SLC34A2: variants seen among roughly 807,000 people sequenced by gnomAD.
The protein encoded by SLC34A2 is sodium-dependent phosphate transport protein 2B.
SLC34A2 carries 41 observed loss-of-function variants against 50.8 expected under a neutral mutation model. That is an observed-to-expected ratio of 0.81 (90% CI 0.63 to 1.05). SLC34A2 has a LOEUF of 1.05. SLC34A2 is among the 50% of genes least tolerant of loss of function. The probability of loss-of-function intolerance (pLI) is 0.00; values close to 1 mark genes in which losing one functional copy is unlikely to be tolerated. For synonymous variants in SLC34A2, 401 were observed against 364.2 expected (o/e 1.10, Z -1.15); for missense variants, 879 against 876.7 (o/e 1.00, Z -0.03).
rs1560243361 is a variant in SLC34A2, at chr4:25,676,326, C to T, written c.1650C>T (p.Ala550=). Reference sequence around the variant, plus strand: ...TGACGGTGTTTGGCCTCTCGCTGGCCGGCTGGCGGGTGCTGGTTGGTGTCG... The same window carrying T: ...TGACGGTGTTTGGCCTCTCGCTGGCTGGCTGGCGGGTGCTGGTTGGTGTCG... The part of the protein sequence containing the change: ...IPLTVFGLSL[A]GWRVLVGVGV... The change falls in exon 13 of 13, where the codon GCC becomes GCT. Residue 550 remains alanine, a synonymous_variant. Coordinates refer to ENST00000382051, the MANE Select transcript of SLC34A2 (RefSeq NM_006424.3). The T allele has an allele frequency of 2.5e-6, 4 of 1,614,202 alleles. No homozygotes were observed. Among genetic ancestry groups the T allele is most frequent in the Non-Finnish European group, 1.7e-6 (2 of 1,180,050 alleles).
intron 5 of SLC34A2, 129 bp from the exon 6 acceptor site, chr4:25,667,751 A>G (rs577220823): frequency 2.8e-6 from 2 of 703,732 alleles, no homozygotes; most frequent in East Asian, 5.4e-5. Flanking sequence ...GAGGTGCAAA[A>G]AAAAAGTTTA....
chr4:25,671,574 T>C (rs765107724), intron 8 of SLC34A2, 27 bp from the exon 9 acceptor site: 8 of 1,614,080 alleles, frequency 5.0e-6, no homozygotes, highest in Non-Finnish European at 6.8e-6. Flanking sequence ...GCCAGTGTTG[T>C]GGGCATTTGT....
chr4:25,669,626 G>T, intron 6 of SLC34A2, 21 bp from the exon 7 acceptor site: 1 of 1,612,598 alleles, frequency 6.2e-7, no homozygotes, highest in Non-Finnish European at 8.5e-7. Context: ...TAATCTGGCT[G>T]TCGGGGTTTC....
At chr4:25,666,763 C>T (rs1235835845) in intron 5 of SLC34A2, among the ~76,000 whole-genome samples, 1 of 152,186 alleles carries the variant, frequency 6.6e-6, no homozygotes, top group African/African-American at 2.4e-5. Context: ...AGAAAGACAA[C>T]TTAATCACAT....
At chr4:25,665,712 G>A (rs1387511370) in intron 4 of SLC34A2, among the ~76,000 whole-genome samples, 2 of 152,142 alleles carry the variant, frequency 1.3e-5, no homozygotes, top group Non-Finnish European at 2.9e-5. Flanking sequence ...AATCTGAATT[G>A]GGTATACACC....
At position 25,676,377 on chromosome 4, in the gene SLC34A2, C is replaced by G. The variant is rs1560243447; in HGVS notation, c.1701C>G (p.Ile567Met). ...GGGTTCCCGTCGTCTTCATCATCAT[C>G]CTGGTACTGTGCCTCCGACTCCTGC... is the stretch of plus-strand genomic sequence containing the variant. The part of the protein sequence containing the change: ...GVGVPVVFII[I>M]LVLCLRLLQS... Residue 567 changes from isoleucine (I) to methionine (M), a missense_variant, in exon 13 of 13, where the codon ATC becomes ATG. Transcript: ENST00000382051. 1 of 1,614,080 alleles carries G rather than the reference C, an allele frequency of 6.2e-7. No individual in the cohort carries two copies. The highest frequency in any genetic ancestry group is 8.5e-7 in the Non-Finnish European group (1 of 1,180,042).
chr4:25,661,052 T>C (rs1043961311), intron 1 of SLC34A2, among the ~76,000 whole-genome samples: 2 of 152,194 alleles, frequency 1.3e-5, no homozygotes, highest in African/African-American at 4.8e-5. Flanking sequence ...TGTAAGAAGG[T>C]CTTTTCTGAA....
chr4:25,669,263 T>C (rs982685993), intron 6 of SLC34A2, among the ~76,000 whole-genome samples: 2 of 152,196 alleles, frequency 1.3e-5, no homozygotes, highest in Admixed American at 1.3e-4. Context: ...ATGATTTCTA[T>C]GTGTTTGGAA....
rs113188727 is a variant in SLC34A2, at chr4:25,674,646, C to T, written c.1458+17C>T. The stretch of plus-strand genomic sequence containing the variant: ...TCACTCCAGGTCAGGACTTGGGGCA[C>T]GGGGACAGGGGCCCTGGGAGTGGGA... On this transcript the variant is annotated intron_variant, in intron 12 of 12. Coordinates refer to ENST00000382051, the MANE Select transcript of SLC34A2 (RefSeq NM_006424.3). 6.3e-5 allele frequency: 102 copies of T among 1,613,932 alleles called. No homozygotes were observed. The highest frequency in any genetic ancestry group is 1.9e-4 in the African/African-American group (14 of 75,044).
intron 1 of SLC34A2, among the ~76,000 whole-genome samples, chr4:25,656,105 T>C: frequency 6.6e-6 from 1 of 152,222 alleles, no homozygotes. Flanking sequence ...GCTACACTCT[T>C]ACGATCGACA....
Position 25,674,279 on chromosome 4 carries a change from T to C in SLC34A2, c.1217-17T>C. The C allele has an allele frequency of 6.2e-7, 1 of 1,606,866 alleles. No individual in the cohort carries two copies. The highest frequency in any genetic ancestry group is 8.5e-7 in the Non-Finnish European group (1 of 1,173,446). ...TTCCCCGGAGAGGCCATGACATCTC[T>C]TCCTTCTGTCTTCCAGATTTCCCCT... is the stretch of plus-strand genomic sequence containing the variant. On this transcript the variant is annotated splice_polypyrimidine_tract_variant and intron_variant, in intron 10 of 12. Transcript: ENST00000382051.
chr4:25,664,048 G>A (rs1714351166), intron 3 of SLC34A2, among the ~76,000 whole-genome samples, 154 bp from the exon 4 acceptor site: 1 of 152,210 alleles, frequency 6.6e-6, no homozygotes, highest in Non-Finnish European at 1.5e-5. Context: ...CTTCCCATCT[G>A]TAAGGCTGGC....
chr4:25,671,512 T>C, intron 8 of SLC34A2, 89 bp from the exon 9 acceptor site: 2 of 1,535,108 alleles, frequency 1.3e-6, no homozygotes, highest in Admixed American at 3.3e-5. Context: ...ATGGGTGGTG[T>C]CTGCGCCTGT....
chr4:25,659,444 C>CCTAG lies in SLC34A2; in HGVS notation c.-3-3054_-3-3053insCTAG, dbSNP rs542063374. 1.9e-3 allele frequency among the ~76,000 whole-genome samples: 290 copies of CCTAG among 152,214 alleles called. 1 individual carries two copies. Among genetic ancestry groups the CCTAG allele is most frequent in the South Asian group, 3.7e-3 (18 of 4,814 alleles). On this transcript the variant is annotated intron_variant, in intron 1 of 12. Coordinates refer to ENST00000382051, the MANE Select transcript of SLC34A2 (RefSeq NM_006424.3). ...TGAAGAGCTTATAGTCTAGGGTACA[C>CCTAG]ACAGTGGAAATGAGGCCATTTACTG...
At chr4:25,672,337 G>A (rs960959542) in intron 9 of SLC34A2, among the ~76,000 whole-genome samples, 1 of 152,184 alleles carries the variant, frequency 6.6e-6, no homozygotes, top group African/African-American at 2.4e-5. Flanking sequence ...GACCCACATA[G>A]AACAGATGTA....
chr4:25,667,804 A>C, intron 5 of SLC34A2, 76 bp from the exon 6 acceptor site: 3 of 913,354 alleles, frequency 3.3e-6, no homozygotes, highest in Non-Finnish European at 3.6e-6. Context: ...TCTTTAGAGG[A>C]TACCAGCATA....
chr4:25,661,432 G>T (rs1714176964), intron 1 of SLC34A2, among the ~76,000 whole-genome samples: 1 of 152,148 alleles, frequency 6.6e-6, no homozygotes, highest in Non-Finnish European at 1.5e-5. Flanking sequence ...GTATCCCCCA[G>T]GCTGGAATAC....
chr4:25,658,079 T>G (rs959386186), intron 1 of SLC34A2, among the ~76,000 whole-genome samples: 1 of 152,146 alleles, frequency 6.6e-6, no homozygotes, highest in African/African-American at 2.4e-5. Context: ...GGTGCCTATG[T>G]GATTTGAAGC....
In SLC34A2 at chr4:25,676,467, G is replaced by C. The variant is rs1323270465; in HGVS notation, c.1791G>C (p.Met597Ile). The change falls in exon 13 of 13, where the codon ATG becomes ATC. Residue 597 changes from methionine (M) to isoleucine (I), a missense_variant. Met to Ile is a conservative substitution (Grantham distance 10). Coordinates refer to ENST00000382051, the MANE Select transcript of SLC34A2 (RefSeq NM_006424.3). ...LQNWNFLPLW[M>I]RSLKPWDAVV... ...ACTGGAACTTCCTGCCGCTGTGGAT[G>C]CGCTCGCTGAAGCCCTGGGATGCCG... 1 of 1,614,206 alleles carries C rather than the reference G, an allele frequency of 6.2e-7. No individual in the cohort carries two copies. The highest frequency in any genetic ancestry group is 8.5e-7 in the Non-Finnish European group (1 of 1,180,050).
Sources: allele counts gnomAD v4.1 joint callset (sites outside exome capture counted in the v4.1 genomes callset), GRCh38; gene constraint gnomAD v4.1.1; transcripts MANE v1.5; gene names NCBI Gene and HGNC (gene_info 2026-07-23, HGNC 2026-07-21).